Variants in NOL4 observed in about 807,000 individuals in gnomAD.
NOL4 encodes the protein cancer/testis antigen 125.
A neutral mutation model predicts 75.9 loss-of-function variants in NOL4; 17 were observed. The ratio of observed to expected loss-of-function variants is 0.22; its 90% CI spans 0.15 to 0.34. NOL4 has a LOEUF of 0.34. Among genes scored for constraint, NOL4 ranks in the 10% least tolerant of loss-of-function variants. The pLI, the probability that NOL4 is intolerant of heterozygous loss-of-function variation, is 1.00. For missense variants in NOL4, 614 were observed against 793.5 expected (o/e 0.77, Z 2.72); for synonymous variants, 292 against 289.9 (o/e 1.01, Z -0.07).
At chr18:34,092,025 T>C (rs2145532589) in intron 5 of NOL4, among the ~76,000 whole-genome samples, 1 of 152,044 alleles carries the variant, frequency 6.6e-6, no homozygotes, top group African/African-American at 2.4e-5. Flanking sequence ...AGACATCCTC[T>C]ACATTCTCTA....
At position 33,883,427 on chromosome 18, in the gene NOL4, G is replaced by T; in HGVS notation, c.1543-3C>A. ...TTGTCAGCTGGAGCAGACTCATCCT[G>T]CAAGGACAGACAGCATTCCATTATT... is the stretch of plus-strand genomic sequence containing the variant. On this transcript the variant is annotated splice_region_variant and splice_polypyrimidine_tract_variant and intron_variant, in intron 9 of 10. Coordinates refer to ENST00000261592, the MANE Select transcript of NOL4 (RefSeq NM_003787.5). 1.2e-6 allele frequency: 2 copies of T among 1,601,520 alleles called. No individual in the cohort carries two copies. The highest frequency in any genetic ancestry group is 2.2e-5 in the East Asian group (1 of 44,706).
intron 10 of NOL4, among the ~76,000 whole-genome samples, chr18:33,862,072 A>T (rs1313050712): frequency 6.6e-6 from 1 of 152,180 alleles, no homozygotes; most frequent in Non-Finnish European, 1.5e-5. Flanking sequence ...CAAAACAGAG[A>T]TATAGATCAA....
intron 6 of NOL4, among the ~76,000 whole-genome samples, chr18:33,975,392 T>C (rs1274529152): frequency 3.3e-5 from 5 of 152,216 alleles, no homozygotes; most frequent in African/African-American, 1.2e-4. Flanking sequence ...AATTATAAGG[T>C]AAGGAATATC....
chr18:33,991,247 G>C (rs1257518253), intron 6 of NOL4, among the ~76,000 whole-genome samples: 1 of 152,040 alleles, frequency 6.6e-6, no homozygotes, highest in Non-Finnish European at 1.5e-5. Flanking sequence ...CTGCCACAGA[G>C]TTTGGGAAAC....
At chr18:33,860,525 G>T (rs1378276864) in intron 10 of NOL4, among the ~76,000 whole-genome samples, 1 of 152,166 alleles carries the variant, frequency 6.6e-6, no homozygotes, top group Non-Finnish European at 1.5e-5. Flanking sequence ...AGCTTAAGGA[G>T]ATTTTGGGCT....
chr18:34,053,743 G>C (rs939033407), intron 5 of NOL4, among the ~76,000 whole-genome samples: 2 of 151,822 alleles, frequency 1.3e-5, no homozygotes, highest in Non-Finnish European at 2.9e-5. Flanking sequence ...TTCCAAAAAA[G>C]GGGGAGCAAT....
intron 1 of NOL4, among the ~76,000 whole-genome samples, chr18:34,161,294 T>C (rs1403206435): frequency 1.3e-5 from 2 of 152,182 alleles, no homozygotes; most frequent in African/African-American, 2.4e-5. Context: ...AGATGTCTCC[T>C]TGACATTCTG....
At chr18:34,183,390 A>G (rs2146344505) in intron 1 of NOL4, 1 of 152,026 alleles carries the variant, frequency 6.6e-6, no homozygotes, top group Non-Finnish European at 1.5e-5. Context: ...TGACAATGTC[A>G]AATGCCAGTG....
chr18:34,202,324 A>C (rs2035798465), intron 1 of NOL4, among the ~76,000 whole-genome samples: 1 of 151,954 alleles, frequency 6.6e-6, no homozygotes, highest in Admixed American at 6.6e-5. Context: ...TTAGACTGAA[A>C]TTGTTAAGTA....
At chr18:34,030,029 A>G (rs1393355208) in intron 5 of NOL4, among the ~76,000 whole-genome samples, 1 of 152,204 alleles carries the variant, frequency 6.6e-6, no homozygotes, top group African/African-American at 2.4e-5. Flanking sequence ...GAAATGTACT[A>G]TAATTCAGTG....
At chr18:33,890,112 T>A (rs576126921) in intron 9 of NOL4, among the ~76,000 whole-genome samples, 8 of 152,268 alleles carry the variant, frequency 5.3e-5, no homozygotes, top group African/African-American at 1.4e-4. Context: ...TGTTTGCAGA[T>A]GACATGATTG....
chr18:34,209,233 T>C lies in NOL4; in HGVS notation c.264+13757A>G, dbSNP rs1413974133. On this transcript the variant is annotated intron_variant, in intron 1 of 10. Transcript: ENST00000261592. ...AAAAAAAGAAATAAGTAAAATCACA[T>C]GTTATATAGAAATGGTAAATAAAAT... Among the ~76,000 whole-genome samples, 8 of 149,210 alleles carry C rather than the reference T, an allele frequency of 5.4e-5. No individual in the cohort carries two copies. In the East Asian group the frequency reaches 1.4e-3, roughly 26 times the overall value.
At chr18:34,055,500 A>G (rs1286254013) in intron 5 of NOL4, among the ~76,000 whole-genome samples, 3 of 152,164 alleles carry the variant, frequency 2.0e-5, no homozygotes, top group Non-Finnish European at 4.4e-5. Flanking sequence ...TATAATGTAC[A>G]TGATGAGTCT....
intron 5 of NOL4, among the ~76,000 whole-genome samples, chr18:34,043,497 C>T (rs1335675873): frequency 6.6e-6 from 1 of 151,998 alleles, no homozygotes; most frequent in Non-Finnish European, 1.5e-5. Context: ...TTTTCTTCAC[C>T]TATTCTTGTA....
rs117283316 is a variant in NOL4 at position 34,118,145 on chromosome 18, G to A, written c.414+11726C>T. Among the ~76,000 whole-genome samples the A allele has an allele frequency of 8.5e-3, 1,301 of 152,164 alleles. 5 individuals carry two copies. Among genetic ancestry groups the A allele is most frequent in the Middle Eastern group, 0.031 (9 of 294 alleles). ...TTAAAATCACCTTTCTCCACCTTTT[G>A]TTTTTAAAATGAATTTAGAGAATAG... On this transcript the variant is annotated intron_variant, in intron 2 of 10. Transcript: ENST00000261592.
At chr18:33,951,437 T>C (rs937092175) in intron 8 of NOL4, among the ~76,000 whole-genome samples, 1 of 152,142 alleles carries the variant, frequency 6.6e-6, no homozygotes, top group Non-Finnish European at 1.5e-5. Flanking sequence ...TACTATAATA[T>C]CCCTAGGTAT....
chr18:34,095,852 T>C (rs2078754463), intron 4 of NOL4, among the ~76,000 whole-genome samples: 1 of 152,074 alleles, frequency 6.6e-6, no homozygotes, highest in South Asian at 2.1e-4. Flanking sequence ...CATAAACATA[T>C]AAACAGTCTT....
At chr18:33,954,547 T>TA (rs5823931) in intron 8 of NOL4, among the ~76,000 whole-genome samples, 1 of 151,560 alleles carries the variant, frequency 6.6e-6, no homozygotes, top group Non-Finnish European at 1.5e-5. Flanking sequence ...CTTTTTTTTT[T>TA]AGGAAAAAGG....
chr18:34,135,425 G>A (rs2080846783), intron 1 of NOL4, among the ~76,000 whole-genome samples: 1 of 152,138 alleles, frequency 6.6e-6, no homozygotes, highest in East Asian at 1.9e-4. Context: ...ACAGCGGGGT[G>A]CGGTGGCTCG....
Sources: gnomAD v4.1 joint callset for allele counts (sites outside exome capture counted in the v4.1 genomes callset) on GRCh38, gnomAD v4.1.1 for gene constraint, MANE v1.5 for transcripts, NCBI Gene and HGNC (gene_info 2026-07-23, HGNC 2026-07-21) for gene names.